Variants in PLS1 observed in about 807,000 individuals in gnomAD.
The protein encoded by PLS1 is plastin 1.
In PLS1, 32 loss-of-function variants were observed where a neutral mutation model predicts 73.7. The observed-to-expected ratio is 0.43, with a 90% CI of 0.33 to 0.58. PLS1 has a LOEUF of 0.58. Ranked by LOEUF, PLS1 falls within the 20% of genes least tolerant of loss-of-function variation. The pLI is 0.04. For synonymous variants in PLS1, 217 were observed against 261.3 expected, an observed-to-expected ratio of 0.83 and a Z score of 1.63; for missense variants, 633 against 740.5, an observed-to-expected ratio of 0.85 and a Z score of 1.68.
In PLS1 at chr3:142,678,784, A is replaced by G. The variant is rs1262175903; in HGVS notation, c.579+671A>G. ...ATGATTTATAGTCCTTTGGATATAT[A>G]CCCAGTAATGAGATGGCTGGGTCAA... is the stretch of plus-strand genomic sequence containing the variant. On this transcript the variant is annotated intron_variant, in intron 6 of 15. Transcript: ENST00000457734. Among the ~76,000 whole-genome samples, 3 of 151,518 alleles carry G rather than the reference A, an allele frequency of 2.0e-5. No individual in the cohort carries two copies. In the East Asian group the frequency reaches 5.8e-4, roughly 29 times the overall value.
At chr3:142,672,829 T>C (rs1295783591) in intron 4 of PLS1, among the ~76,000 whole-genome samples, 1 of 152,186 alleles carries the variant, frequency 6.6e-6, no homozygotes, top group African/African-American at 2.4e-5. Flanking sequence ...TAGTTTTTAG[T>C]GTATTCATAG....
chr3:142,622,923 T>C (rs1337189638), intron 1 of PLS1, among the ~76,000 whole-genome samples: 1 of 152,188 alleles, frequency 6.6e-6, no homozygotes. Flanking sequence ...TCATGATTTT[T>C]TACATGATGA....
At chr3:142,674,780 G>A (rs760107832) in intron 4 of PLS1, among the ~76,000 whole-genome samples, 5 of 152,152 alleles carry the variant, frequency 3.3e-5, no homozygotes, top group Admixed American at 6.5e-5. Flanking sequence ...CCAGGCTGGA[G>A]TGCAGTGGCG....
At chr3:142,656,017 A>G (rs1181606504) in intron 1 of PLS1, among the ~76,000 whole-genome samples, 7 of 152,032 alleles carry the variant, frequency 4.6e-5, no homozygotes, top group African/African-American at 1.7e-4. Flanking sequence ...GCTGGAGTGC[A>G]GTGGTGCAAT....
chr3:142,662,416 G>C (rs1441871986), intron 1 of PLS1, among the ~76,000 whole-genome samples: 1 of 152,078 alleles, frequency 6.6e-6, no homozygotes. Context: ...AGGGTCTATT[G>C]GGGGGTAGGG....
chr3:142,657,995 A>G (rs1325434921), intron 1 of PLS1, among the ~76,000 whole-genome samples: 1 of 151,920 alleles, frequency 6.6e-6, no homozygotes, highest in Non-Finnish European at 1.5e-5. Flanking sequence ...TTCCTTTATT[A>G]GTGGCTTGTG....
rs747474995 is a variant in PLS1 at position 142,671,068 on chromosome 3, G to A, written c.310G>A (p.Ala104Thr). The A allele has an allele frequency of 3.1e-6, 5 of 1,607,486 alleles. No individual in the cohort carries two copies. The highest frequency in any genetic ancestry group is 3.3e-5 in the Admixed American group (2 of 59,900). Residue 104 changes from alanine (A) to threonine (T), a missense_variant, in exon 4 of 16, where the codon GCT becomes ACT. Ala to Thr is a moderately conservative substitution (Grantham distance 58). Transcript: ENST00000457734. ...AATTAACAAGAGGGAAGGGATTACT[G>A]CTATTGGAGGAACTTCAACTATTTC... ...KIINKREGIT[A>T]IGGTSTISSE...
chr3:142,700,372 G>C (rs781583635), intron 12 of PLS1, among the ~76,000 whole-genome samples: 1 of 151,906 alleles, frequency 6.6e-6, no homozygotes, highest in Non-Finnish European at 1.5e-5. Flanking sequence ...GCCCAGGCTG[G>C]AGTGCAGTGG....
chr3:142,703,837 T>C (rs1181355049), intron 12 of PLS1, 31 bp from the exon 13 acceptor site: 4 of 1,536,822 alleles, frequency 2.6e-6, no homozygotes, highest in Non-Finnish European at 3.6e-6. Flanking sequence ...TTTAAAAATC[T>C]TTTTATACCC....
intron 13 of PLS1, among the ~76,000 whole-genome samples, 191 bp from the exon 14 acceptor site, chr3:142,704,272 G>A (rs1399040380): frequency 6.6e-6 from 1 of 152,138 alleles, no homozygotes; most frequent in Non-Finnish European, 1.5e-5. Context: ...AAAATACCAT[G>A]TAGTAGTTTT....
chr3:142,640,440 G>T (rs1157407082), intron 1 of PLS1, among the ~76,000 whole-genome samples: 2 of 152,164 alleles, frequency 1.3e-5, no homozygotes, highest in African/African-American at 4.8e-5. Flanking sequence ...TGAACAGAAA[G>T]TACTGTGTGC....
chr3:142,599,320 ATTCTT>A (rs1384998916), intron 1 of PLS1, among the ~76,000 whole-genome samples: 5 of 137,250 alleles, frequency 3.6e-5, no homozygotes, highest in African/African-American at 1.4e-4. Flanking sequence ...GGACTCAGAT[ATTCTT>A]TTTTTTTTTT....
chr3:142,704,492 G>C lies in PLS1; in HGVS notation c.1535G>C (p.Gly512Ala), dbSNP rs1168928381. 6.2e-7 allele frequency: 1 copy of C among 1,602,934 alleles called. No homozygotes were observed. Among genetic ancestry groups the C allele is most frequent in the East Asian group, 2.2e-5 (1 of 44,630 alleles). ...ACATTGAATGTGTTATCGGATCTTGGAGAGGGTGAAAAAGTAAATGATGAA... is the reference window on the plus strand; with the variant it reads ...ACATTGAATGTGTTATCGGATCTTGCAGAGGGTGAAAAAGTAAATGATGAA... ...RYTLNVLSDL[G>A]EGEKVNDEII... Residue 512 changes from glycine (G) to alanine (A), a missense_variant, in exon 14 of 16, where the codon GGA becomes GCA. Physicochemically the swap from Gly to Ala is moderately conservative, Grantham distance 60. Coordinates refer to ENST00000457734, the MANE Select transcript of PLS1 (RefSeq NM_001145319.2).
chr3:142,704,949 C>T (rs974143733), intron 14 of PLS1, among the ~76,000 whole-genome samples: 19 of 151,656 alleles, frequency 1.3e-4, no homozygotes, highest in African/African-American at 4.4e-4. Context: ...TGAGCTACCA[C>T]GCCTGGCCAG....
rs767335543 is a variant in PLS1, at chr3:142,684,288, G to C, written c.781G>C (p.Glu261Gln). The change falls in exon 8 of 16, where the codon GAG becomes CAG. Residue 261 changes from glutamate to glutamine, a missense_variant. Physicochemically the swap from Glu to Gln is conservative, Grantham distance 29. Transcript: ENST00000457734. ...IALLNEGEELEELMKLSPEEL... is the reference protein window; with the variant it reads ...IALLNEGEELQELMKLSPEEL... ...ATTGTTAAATGAAGGTGAGGAACTA[G>C]AGGAGCTGATGAAGCTTTCTCCCGA... The C allele has an allele frequency of 1.9e-6, 3 of 1,614,164 alleles. No individual in the cohort carries two copies. Among genetic ancestry groups the C allele is most frequent in the Admixed American group, 3.3e-5 (2 of 60,034 alleles).
At chr3:142,637,851 C>G (rs1169376660) in intron 1 of PLS1, among the ~76,000 whole-genome samples, 2 of 151,160 alleles carry the variant, frequency 1.3e-5, no homozygotes, top group African/African-American at 2.5e-5. Context: ...CATGCCAGGC[C>G]CCCCCGCCCC....
intron 1 of PLS1, chr3:142,654,742 G>C (rs2037183477): frequency 6.6e-6 from 1 of 152,170 alleles, no homozygotes. Flanking sequence ...TAGTCTTTGT[G>C]CTTCCAATAC....
At chr3:142,598,837 A>C (rs2108527307) in intron 1 of PLS1, among the ~76,000 whole-genome samples, 1 of 152,120 alleles carries the variant, frequency 6.6e-6, no homozygotes, top group South Asian at 2.1e-4. Context: ...CTCTACTAAA[A>C]ATACAAAAAA....
At chr3:142,617,011 A>G (rs2036227222) in intron 1 of PLS1, among the ~76,000 whole-genome samples, 1 of 152,220 alleles carries the variant, frequency 6.6e-6, no homozygotes, top group Non-Finnish European at 1.5e-5. Flanking sequence ...TCTTCAAATC[A>G]CAATGGACCA....
Sources: allele counts gnomAD v4.1 joint callset (sites outside exome capture counted in the v4.1 genomes callset), GRCh38; gene constraint gnomAD v4.1.1; transcripts MANE v1.5; gene names NCBI Gene and HGNC (gene_info 2026-07-23, HGNC 2026-07-21).